Variants in NRP1 observed in about 807,000 individuals in gnomAD.
NRP1 encodes neuropilin 1.
A neutral mutation model predicts 106.7 loss-of-function variants in NRP1; 35 were observed. That is an observed-to-expected ratio of 0.33 (90% CI 0.25 to 0.43). The LOEUF (loss-of-function observed/expected upper bound fraction) is 0.43. NRP1 is among the 20% of genes least tolerant of loss of function. NRP1 has a pLI of 1.00. For synonymous variants in NRP1, 437 were observed against 417.9 expected (o/e 1.05, Z -0.56); for missense variants, 1,024 against 1,170.4 (o/e 0.87, Z 1.83).
In NRP1 at chr10:33,320,774, G is replaced by A. The variant is rs561903313; in HGVS notation, c.248+9934C>T. ...TGTGCAAAGCATTCTGTGGGACAGC[G>A]AAAGGTAGAAATGTAAGTAAGACAT... On this transcript the variant is annotated intron_variant, in intron 2 of 16. Coordinates refer to ENST00000374867, the MANE Select transcript of NRP1 (RefSeq NM_003873.7). 1.4e-4 allele frequency among the ~76,000 whole-genome samples: 21 copies of A among 152,298 alleles called. No individual in the cohort carries two copies. The South Asian group carries it at 2.7e-3, about 20-fold the overall frequency.
intron 2 of NRP1, among the ~76,000 whole-genome samples, chr10:33,294,302 T>C (rs1407349716): frequency 1.3e-5 from 2 of 152,156 alleles, no homozygotes; most frequent in Non-Finnish European, 2.9e-5. Context: ...GTTGATGTCT[T>C]TGCAGAGCAA....
chr10:33,233,893 T>C (rs1840356640), intron 6 of NRP1, among the ~76,000 whole-genome samples: 1 of 152,160 alleles, frequency 6.6e-6, no homozygotes, highest in Non-Finnish European at 1.5e-5. Context: ...AAAACACATG[T>C]TTTTTACAGA....
At chr10:33,293,690 C>T (rs983144301) in intron 2 of NRP1, among the ~76,000 whole-genome samples, 2 of 152,152 alleles carry the variant, frequency 1.3e-5, no homozygotes, top group Non-Finnish European at 2.9e-5. Flanking sequence ...AAAACATGTT[C>T]GTTATTTTTG....
At chr10:33,231,422 G>A (rs1840118157) in intron 6 of NRP1, among the ~76,000 whole-genome samples, 1 of 152,186 alleles carries the variant, frequency 6.6e-6, no homozygotes, top group African/African-American at 2.4e-5. Flanking sequence ...CCCATGCAAA[G>A]TACCTGTGAA....
chr10:33,192,973 T>C (rs966713302), intron 12 of NRP1, among the ~76,000 whole-genome samples: 4 of 152,112 alleles, frequency 2.6e-5, no homozygotes, highest in Non-Finnish European at 1.5e-5. Flanking sequence ...TTAGGATTAT[T>C]TTTTTTTCTT....
intron 10 of NRP1, among the ~76,000 whole-genome samples, chr10:33,204,366 A>T (rs1588715993): frequency 6.6e-6 from 1 of 152,328 alleles, no homozygotes; most frequent in East Asian, 1.9e-4. Context: ...AAGTGCAAAT[A>T]ACATACATGC....
intron 2 of NRP1, among the ~76,000 whole-genome samples, chr10:33,306,834 A>G (rs1029976863): frequency 7.9e-5 from 12 of 152,212 alleles, no homozygotes; most frequent in African/African-American, 2.9e-4. Flanking sequence ...TGCTGGAATT[A>G]ATGAGTGATA....
Position 33,294,385 on chromosome 10 carries a change from A to AAG in NRP1, c.249-23531_249-23530dup, listed in dbSNP as rs1205922276. ...GTAATCCCAGCACTTTGGGAGGCCG[A>AAG]AGAGGGCGGATCTCCTGAGGTCGGG... is the stretch of plus-strand genomic sequence containing the variant. On this transcript the variant is annotated intron_variant, in intron 2 of 16. Coordinates refer to ENST00000374867, the MANE Select transcript of NRP1 (RefSeq NM_003873.7). 2.0e-5 allele frequency among the ~76,000 whole-genome samples: 3 copies of AAG among 152,166 alleles called. No individual in the cohort carries two copies. The East Asian group carries it at 5.8e-4, about 29-fold the overall frequency.
chr10:33,226,162 A>G lies in NRP1; in HGVS notation c.1109T>C (p.Ile370Thr), dbSNP rs199673539. The change falls in exon 7 of 17, where the codon ATC becomes ACC. Residue 370 changes from isoleucine to threonine, a missense_variant. Ile to Thr is a moderately conservative substitution (Grantham distance 89, BLOSUM62 -1). Transcript: ENST00000374867. ...IDVSSNGEDW[I>T]TIKEGNKPVL... ...AGGTTTGTTTCCTTCTTTTATGGTG[A>G]TCCAGTCTTCCCCGTTGGAGCTAAC... is the stretch of plus-strand genomic sequence containing the variant. The G allele has an allele frequency of 1.1e-4, 172 of 1,614,024 alleles. No individual in the cohort carries two copies. Among genetic ancestry groups the G allele is most frequent in the Non-Finnish European group, 5.3e-5 (63 of 1,180,022 alleles).
At chr10:33,238,062 C>T (rs1052457915) in intron 6 of NRP1, among the ~76,000 whole-genome samples, 6 of 152,184 alleles carry the variant, frequency 3.9e-5, no homozygotes, top group Non-Finnish European at 7.3e-5. Context: ...TGTAGGTAAA[C>T]TTGAAGTTCA....
intron 2 of NRP1, among the ~76,000 whole-genome samples, chr10:33,291,579 C>A (rs1844994979): frequency 6.6e-6 from 1 of 152,176 alleles, no homozygotes; most frequent in South Asian, 2.1e-4. Flanking sequence ...GAAACCTGGA[C>A]TTCAGTAAGA....
chr10:33,197,788 G>C, intron 11 of NRP1, 79 bp from the exon 12 acceptor site: 1 of 741,298 alleles, frequency 1.3e-6, no homozygotes, highest in South Asian at 1.9e-5. Context: ...GCTTACAAAT[G>C]TCTATCAGAG....
chr10:33,208,708 G>A, intron 9 of NRP1, among the ~76,000 whole-genome samples: 1 of 151,910 alleles, frequency 6.6e-6, no homozygotes, highest in East Asian at 1.9e-4. Flanking sequence ...TGTTCTAACT[G>A]CTTAAAATCT....
At chr10:33,182,378 A>C (rs1417772912) in intron 16 of NRP1, among the ~76,000 whole-genome samples, 1 of 152,128 alleles carries the variant, frequency 6.6e-6, no homozygotes, top group Non-Finnish European at 1.5e-5. Flanking sequence ...TGATAAACTG[A>C]GTGTGTTTGA....
At chr10:33,222,431 C>T (rs752452344) in intron 7 of NRP1, among the ~76,000 whole-genome samples, 2 of 152,140 alleles carry the variant, frequency 1.3e-5, no homozygotes, top group Non-Finnish European at 2.9e-5. Flanking sequence ...TTTTAGTGGT[C>T]AAAGTCAAAA....
intron 6 of NRP1, among the ~76,000 whole-genome samples, chr10:33,240,070 G>A (rs185180721): frequency 2.0e-5 from 3 of 152,138 alleles, no homozygotes; most frequent in Non-Finnish European, 4.4e-5. Flanking sequence ...CAATCTGTGC[G>A]TTTCTTTGTC....
chr10:33,311,448 G>C, intron 2 of NRP1, among the ~76,000 whole-genome samples: 1 of 152,198 alleles, frequency 6.6e-6, no homozygotes, highest in East Asian at 1.9e-4. Flanking sequence ...CTGAGTAGCA[G>C]GTCTCTTCTA....
At position 33,270,858 on chromosome 10, in the gene NRP1, T is replaced by TA. The variant is rs1418732384; in HGVS notation, c.249-3dup. ...TCGAAGACTTCCACGTAGTCATACC[T>TA]AATACACAAACATGGAAGAAAACAT... On this transcript the variant is annotated splice_region_variant and splice_polypyrimidine_tract_variant and intron_variant, in intron 2 of 16. Transcript: ENST00000374867. The TA allele has an allele frequency of 6.3e-6, 10 of 1,590,076 alleles. No homozygotes were observed. The highest frequency in any genetic ancestry group is 8.6e-6 in the Non-Finnish European group (10 of 1,169,078).
chr10:33,230,547 A>C (rs1316996343), intron 6 of NRP1, among the ~76,000 whole-genome samples: 1 of 152,118 alleles, frequency 6.6e-6, no homozygotes, highest in Non-Finnish European at 1.5e-5. Context: ...TAAAATTTGC[A>C]TAAACACATC....
Sources: gnomAD v4.1 joint callset for allele counts (sites outside exome capture counted in the v4.1 genomes callset) on GRCh38, gnomAD v4.1.1 for gene constraint, MANE v1.5 for transcripts, NCBI Gene and HGNC (gene_info 2026-07-23, HGNC 2026-07-21) for gene names.